The following PHACTR3 variants were observed in gnomAD, a reference collection of about 807,000 sequenced individuals.
The protein encoded by PHACTR3 is protein phosphatase 1, regulatory subunit 123.
PHACTR3 carries 16 observed loss-of-function variants against 66.8 expected under a neutral mutation model. The ratio of observed to expected loss-of-function variants is 0.24; its 90% CI spans 0.16 to 0.36. The LOEUF is 0.36. Among genes scored for constraint, PHACTR3 ranks in the 10% least tolerant of loss-of-function variants. PHACTR3 has a pLI of 1.00. For missense variants in PHACTR3, 647 were observed against 719.9 expected, an observed-to-expected ratio of 0.90 and a Z score of 1.16; for synonymous variants, 323 against 292.1, an observed-to-expected ratio of 1.11 and a Z score of -1.08.
chr20:59,831,783 T>C (rs2042390695), intron 8 of PHACTR3, among the ~76,000 whole-genome samples: 1 of 152,154 alleles, frequency 6.6e-6, no homozygotes, highest in South Asian at 2.1e-4. Context: ...AAGCAGGCTA[T>C]GTAGTGAGGG....
intron 7 of PHACTR3, among the ~76,000 whole-genome samples, chr20:59,787,003 T>C (rs1456086118): frequency 6.6e-6 from 1 of 152,204 alleles, no homozygotes; most frequent in Non-Finnish European, 1.5e-5. Flanking sequence ...TTCATGGCTA[T>C]GGTGGCAGTG....
At chr20:59,844,701 G>GA (rs1423284984) in intron 11 of PHACTR3, 4 of 152,220 alleles carry the variant, frequency 2.6e-5, no homozygotes, top group African/African-American at 9.6e-5. Context: ...TTTGGGGAGA[G>GA]AAAGAGAGGT....
At chr20:59,587,714 A>G (rs1322158367) in intron 1 of PHACTR3, among the ~76,000 whole-genome samples, 1 of 149,620 alleles carries the variant, frequency 6.7e-6, no homozygotes, top group Non-Finnish European at 1.5e-5. Flanking sequence ...TGAGGTCCCT[A>G]TTTTCTTGCT....
chr20:59,644,951 A>G (rs2035231743), intron 1 of PHACTR3, among the ~76,000 whole-genome samples: 1 of 152,006 alleles, frequency 6.6e-6, no homozygotes, highest in Non-Finnish European at 1.5e-5. Flanking sequence ...GCTTCTGTTC[A>G]TTCTGTCACC....
intron 1 of PHACTR3, among the ~76,000 whole-genome samples, chr20:59,617,026 A>C (rs1347597677): frequency 1.3e-5 from 2 of 152,140 alleles, no homozygotes; most frequent in African/African-American, 2.4e-5. Context: ...AACAGTGTTG[A>C]CATTTTAATG....
At position 59,815,106 on chromosome 20, in the gene PHACTR3, G is replaced by C. The variant is rs189234429; in HGVS notation, c.1328+8912G>C. Among the ~76,000 whole-genome samples the C allele has an allele frequency of 9.2e-5, 14 of 152,212 alleles. No individual in the cohort carries two copies. In the East Asian group the frequency reaches 9.7e-4, roughly 11 times the overall value. On this transcript the variant is annotated intron_variant, in intron 8 of 12. Coordinates refer to ENST00000371015, the MANE Select transcript of PHACTR3 (RefSeq NM_080672.5). ...TTCAGGGAACCCTCGACTCGAAGAG[G>C]GTTCTTGTTAATGAACAGTCTTCAA...
intron 7 of PHACTR3, among the ~76,000 whole-genome samples, chr20:59,803,695 G>A (rs1046470622): frequency 4.6e-5 from 7 of 152,102 alleles, no homozygotes; most frequent in East Asian, 1.9e-4. Flanking sequence ...CAGATGCATC[G>A]TAATTTAACA....
chr20:59,640,430 G>A (rs1158487727), intron 1 of PHACTR3, among the ~76,000 whole-genome samples: 1 of 152,206 alleles, frequency 6.6e-6, no homozygotes, highest in African/African-American at 2.4e-5. Flanking sequence ...ATGCCCCTGG[G>A]GCCAGGCGGT....
chr20:59,724,168 G>A (rs2038464831), intron 1 of PHACTR3, among the ~76,000 whole-genome samples: 1 of 152,096 alleles, frequency 6.6e-6, no homozygotes, highest in African/African-American at 2.4e-5. Flanking sequence ...ATCTAGAGCA[G>A]GGCTTCTCTC....
intron 5 of PHACTR3, among the ~76,000 whole-genome samples, chr20:59,768,807 G>A (rs1212214285): frequency 3.3e-5 from 5 of 152,222 alleles, no homozygotes; most frequent in South Asian, 2.1e-4. Flanking sequence ...CACCTAACAC[G>A]AATTAAGTAT....
chr20:59,804,038 G>C (rs994606528), intron 7 of PHACTR3, among the ~76,000 whole-genome samples: 2 of 152,180 alleles, frequency 1.3e-5, no homozygotes, highest in East Asian at 3.8e-4. Context: ...GTGGGTAGAA[G>C]GGTCACTCAA....
chr20:59,678,858 T>C (rs956384366), intron 1 of PHACTR3, among the ~76,000 whole-genome samples: 19 of 151,662 alleles, frequency 1.3e-4, no homozygotes, highest in Middle Eastern at 6.8e-3. Context: ...CAGCAAGCAG[T>C]GGTTCTCACA....
intron 5 of PHACTR3, among the ~76,000 whole-genome samples, chr20:59,767,825 A>G (rs552639508): frequency 6.6e-6 from 1 of 151,490 alleles, no homozygotes; most frequent in South Asian, 2.1e-4. Context: ...TTTCCATTCC[A>G]TTCCATTCCT....
intron 1 of PHACTR3, among the ~76,000 whole-genome samples, chr20:59,597,439 G>A (rs758954167): frequency 5.8e-4 from 89 of 152,320 alleles, no homozygotes; most frequent in South Asian, 6.2e-4. Flanking sequence ...TATATATGAT[G>A]CAATAACAGC....
chr20:59,770,291 C>A (rs2040318095), intron 5 of PHACTR3, among the ~76,000 whole-genome samples: 1 of 152,218 alleles, frequency 6.6e-6, no homozygotes, highest in Admixed American at 6.5e-5. Flanking sequence ...TGGGTCCTGG[C>A]CTGGCTTCTT....
At chr20:59,755,078 C>T in intron 3 of PHACTR3, 104 bp from the exon 4 acceptor site, 1 of 1,204,140 alleles carries the variant, frequency 8.3e-7, no homozygotes, top group Non-Finnish European at 1.2e-6. Flanking sequence ...GGTGGGGGAC[C>T]ACCCAGAGCC....
chr20:59,825,384 ACACT>A (rs956743022), intron 8 of PHACTR3, among the ~76,000 whole-genome samples: 2 of 152,306 alleles, frequency 1.3e-5, no homozygotes, highest in African/African-American at 2.4e-5. Context: ...ATGCATTCAG[ACACT>A]CATTCATTCA....
chr20:59,713,140 G>A (rs1488172932), intron 1 of PHACTR3, among the ~76,000 whole-genome samples: 1 of 152,216 alleles, frequency 6.6e-6, no homozygotes, highest in African/African-American at 2.4e-5. Flanking sequence ...TCTCCTGGGT[G>A]CCTGTTGAAT....
intron 1 of PHACTR3, among the ~76,000 whole-genome samples, chr20:59,679,730 C>A (rs1357903442): frequency 6.6e-6 from 1 of 152,156 alleles, no homozygotes. Flanking sequence ...GCATGTCTTA[C>A]GTGGCAGCAG....
Sources: gnomAD v4.1 joint callset for allele counts (sites outside exome capture counted in the v4.1 genomes callset) on GRCh38, gnomAD v4.1.1 for gene constraint, MANE v1.5 for transcripts, NCBI Gene and HGNC (gene_info 2026-07-23, HGNC 2026-07-21) for gene names.